KRAS: variants seen among roughly 807,000 people sequenced by gnomAD.
KRAS encodes the protein GTPase KRas.
In KRAS, 1 loss-of-function variant was observed where a neutral mutation model predicts 21.0. The observed-to-expected ratio is 0.05, with a 90% CI of 0.02 to 0.23. The LOEUF (loss-of-function observed/expected upper bound fraction) is 0.23, where lower values mean the gene tolerates loss of function less well. Ranked by LOEUF, KRAS falls within the 10% of genes least tolerant of loss-of-function variation. The probability of loss-of-function intolerance (pLI) is 1.00; values close to 1 mark genes in which losing one functional copy is unlikely to be tolerated. For synonymous variants in KRAS, 67 were observed against 72.5 expected (o/e 0.92, Z 0.39); for missense variants, 107 against 221.8 (o/e 0.48, Z 3.29).
In KRAS at chr12:25,250,887, T is replaced by TGCC. The variant is rs1442298515; in HGVS notation, c.-151_-149dup. ...CCGCCGCCACCTTCGCCGCCGCCAC[T>TGCC]GCCGCCGCCGCTGCTGCCTCCGCCG... is the stretch of plus-strand genomic sequence containing the variant. On this transcript the variant is annotated 5_prime_UTR_variant, in exon 1 of 5. Transcript: ENST00000311936. The TGCC allele has an allele frequency of 5.3e-5, 13 of 244,508 alleles. No homozygotes were observed. The highest frequency in any genetic ancestry group is 3.4e-4 in the South Asian group (3 of 8,884). 15.1% of individuals were successfully genotyped at this position (244,508 alleles called of 1,614,324 possible).
intron 2 of KRAS, among the ~76,000 whole-genome samples, chr12:25,236,090 T>C (rs1175916232): frequency 6.6e-6 from 1 of 151,938 alleles, no homozygotes; most frequent in Non-Finnish European, 1.5e-5. Context: ...TTTGGGGATC[T>C]CAAAGGCTTA....
At position 25,209,745 on chromosome 12, in the gene KRAS, A is replaced by G. The variant is rs1233708461; in HGVS notation, c.*50T>C. 4 of 1,593,424 alleles carry G rather than the reference A, an allele frequency of 2.5e-6. No individual in the cohort carries two copies. ...TGCTAATAATTTAGTGTAATGTACA[A>G]AAATTACCACTTGTACTAGTATGCC... On this transcript the variant is annotated 3_prime_UTR_variant, in exon 5 of 5. Transcript: ENST00000311936.
chr12:25,236,853 AAGAC>A (rs1241590973), intron 2 of KRAS, among the ~76,000 whole-genome samples: 2 of 152,194 alleles, frequency 1.3e-5, no homozygotes, highest in South Asian at 2.1e-4. Flanking sequence ...CAAAAAGTCA[AAGAC>A]AGAGCTACCA....
At chr12:25,220,656 A>C (rs1951308767) in intron 4 of KRAS, among the ~76,000 whole-genome samples, 1 of 150,892 alleles carries the variant, frequency 6.6e-6, no homozygotes, top group African/African-American at 2.4e-5. Context: ...GAATCCGGGA[A>C]GCGGAGGTTG....
chr12:25,245,845 C>G (rs999681146), intron 1 of KRAS, among the ~76,000 whole-genome samples: 1 of 152,176 alleles, frequency 6.6e-6, no homozygotes, highest in Admixed American at 6.5e-5. Context: ...AGTGGACCCC[C>G]ACCTCTAAGT....
chr12:25,237,910 A>G (rs1227512274), intron 2 of KRAS, among the ~76,000 whole-genome samples: 4 of 152,176 alleles, frequency 2.6e-5, no homozygotes, highest in Non-Finnish European at 5.9e-5. Flanking sequence ...AGTTGAAATA[A>G]TTTTGCAAAA....
At chr12:25,242,390 T>A (rs948193350) in intron 2 of KRAS, among the ~76,000 whole-genome samples, 1 of 152,154 alleles carries the variant, frequency 6.6e-6, no homozygotes, top group African/African-American at 2.4e-5. Context: ...AAATTTTACC[T>A]TAGAAAAAAA....
intron 4 of KRAS, among the ~76,000 whole-genome samples, chr12:25,224,410 T>C (rs1486030769): frequency 6.6e-6 from 1 of 151,930 alleles, no homozygotes; most frequent in East Asian, 1.9e-4. Context: ...GTCTTAGTTT[T>C]TAACAAAAAA....
chr12:25,246,914 CAAA>C (rs60777057), intron 1 of KRAS, among the ~76,000 whole-genome samples: 1 of 142,484 alleles, frequency 7.0e-6, no homozygotes, highest in Non-Finnish European at 1.5e-5. Context: ...CACTCCGTCT[CAAA>C]AAAAAAAAAA....
chr12:25,244,926 TA>T (rs1211716905), intron 2 of KRAS, among the ~76,000 whole-genome samples: 1 of 152,192 alleles, frequency 6.6e-6, no homozygotes, highest in Non-Finnish European at 1.5e-5. Context: ...AACCTTTACA[TA>T]TGATGTCACA....
intron 2 of KRAS, among the ~76,000 whole-genome samples, chr12:25,239,490 A>G (rs548300204): frequency 6.6e-6 from 1 of 152,338 alleles, no homozygotes; most frequent in East Asian, 1.9e-4. Context: ...AAATCACTCA[A>G]TCTATGTTAC....
At chr12:25,221,195 T>A (rs963455619) in intron 4 of KRAS, among the ~76,000 whole-genome samples, 7 of 151,726 alleles carry the variant, frequency 4.6e-5, no homozygotes, top group Non-Finnish European at 7.4e-5. Flanking sequence ...GAATTAGGAA[T>A]CAGCATATTA....
In KRAS at chr12:25,206,931, TA is replaced by T. The variant is rs1200243908; in HGVS notation, c.*2863del. On this transcript the variant is annotated 3_prime_UTR_variant, in exon 5 of 5. Transcript: ENST00000311936. The stretch of plus-strand genomic sequence containing the variant: ...CTAAAAGAATCACAGTTATGCCAAA[TA>T]AAAAAACAATATAATCAAGTTTATT... 5 of 203,712 alleles carry T rather than the reference TA, an allele frequency of 2.5e-5. No homozygotes were observed. Among genetic ancestry groups the T allele is most frequent in the African/African-American group, 6.9e-5 (3 of 43,708 alleles). The allele number at this position is 203,712 out of a possible 1,614,324, so 12.6% of individuals were successfully genotyped here. A position where few individuals can be genotyped will look rare whatever the true frequency, so the allele number is the denominator to read the frequency against.
At chr12:25,247,919 A>G (rs1248664214) in intron 1 of KRAS, among the ~76,000 whole-genome samples, 1 of 152,216 alleles carries the variant, frequency 6.6e-6, no homozygotes, top group Non-Finnish European at 1.5e-5. Flanking sequence ...CATGTTACCA[A>G]GTAATGGGCT....
intron 2 of KRAS, among the ~76,000 whole-genome samples, chr12:25,243,852 C>T (rs1328086296): frequency 6.6e-6 from 1 of 152,188 alleles, no homozygotes; most frequent in African/African-American, 2.4e-5. Flanking sequence ...ATTGAATTAA[C>T]TTGTCAAAAG....
At chr12:25,209,967 A>T in intron 4 of KRAS, 56 bp from the exon 5 acceptor site, 1 of 1,339,616 alleles carries the variant, frequency 7.5e-7, no homozygotes, top group African/African-American at 1.5e-5. Context: ...TCATGTGTAC[A>T]GGTAACAAAT....
intron 2 of KRAS, among the ~76,000 whole-genome samples, chr12:25,228,504 C>G (rs1020145057): frequency 6.6e-6 from 1 of 152,068 alleles, no homozygotes; most frequent in South Asian, 2.1e-4. Flanking sequence ...ATGAAGTAAG[C>G]CAACACAAAA....
chr12:25,247,969 A>T lies in KRAS; in HGVS notation c.-11-2574T>A, dbSNP rs145399239. 4.9e-4 allele frequency among the ~76,000 whole-genome samples: 75 copies of T among 152,252 alleles called. 1 individual carries two copies. The East Asian group carries it at 0.014, about 27-fold the overall frequency. On this transcript the variant is annotated intron_variant, in intron 1 of 4. Transcript: ENST00000311936. ...GAATACATTTTAAAAAATTGTTTTA[A>T]TTTCCAATACGGTAAATATTAATAA...
At chr12:25,240,255 T>G (rs1210551193) in intron 2 of KRAS, among the ~76,000 whole-genome samples, 1 of 152,188 alleles carries the variant, frequency 6.6e-6, no homozygotes, top group Non-Finnish European at 1.5e-5. Flanking sequence ...AGAAATGTAA[T>G]GCTCTTAAGT....
Sources: allele counts gnomAD v4.1 joint callset (sites outside exome capture counted in the v4.1 genomes callset), GRCh38; gene constraint gnomAD v4.1.1; transcripts MANE v1.5; gene names NCBI Gene and HGNC (gene_info 2026-07-23, HGNC 2026-07-21).